Variants in COMMD10 observed in about 807,000 individuals in gnomAD.
COMMD10 encodes the protein COMM domain-containing protein 10.
Under a neutral mutation model 28.9 loss-of-function variants are expected in COMMD10, and 33 were observed. The ratio of observed to expected loss-of-function variants is 1.14; its 90% CI spans 0.87 to 1.53. COMMD10 has a LOEUF of 1.53. Ranked by LOEUF, COMMD10 falls within the 40% of genes most tolerant of loss-of-function variation. The probability of loss-of-function intolerance (pLI) is 0.00; values close to 1 mark genes in which losing one functional copy is unlikely to be tolerated. For synonymous variants in COMMD10, 110 were observed against 81.7 expected (o/e 1.35, Z -1.87); for missense variants, 310 against 233.4 (o/e 1.33, Z -2.14).
intron 5 of COMMD10, among the ~76,000 whole-genome samples, chr5:116,149,929 C>T (rs946529340): frequency 6.6e-6 from 1 of 151,878 alleles, no homozygotes; most frequent in Non-Finnish European, 1.5e-5. Context: ...GAAGTCGTTG[C>T]CCATGCCTAT....
At chr5:116,104,087 C>T (rs1056526659) in intron 4 of COMMD10, among the ~76,000 whole-genome samples, 2 of 152,162 alleles carry the variant, frequency 1.3e-5, no homozygotes, top group African/African-American at 4.8e-5. Flanking sequence ...AGCATGATGC[C>T]TCCAGCTTTG....
chr5:116,244,462 G>A (rs1054024559), intron 5 of COMMD10, among the ~76,000 whole-genome samples: 3 of 152,054 alleles, frequency 2.0e-5, no homozygotes, highest in African/African-American at 7.2e-5. Context: ...CCAGTCTAGT[G>A]AATAGACAAA....
intron 4 of COMMD10, among the ~76,000 whole-genome samples, chr5:116,121,568 C>T (rs899288457): frequency 6.6e-6 from 1 of 152,198 alleles, no homozygotes; most frequent in African/African-American, 2.4e-5. Context: ...CTGTCTTCCA[C>T]GATGGTTGAA....
chr5:116,291,512 T>C lies in COMMD10; in HGVS notation c.511-5T>C. ...CATTCTTTTTGTTGTTTTTCTTCCTTACAGAGCCTGGAGAAAGTTCTTGTG... is the reference window on the plus strand; with the variant it reads ...CATTCTTTTTGTTGTTTTTCTTCCTCACAGAGCCTGGAGAAAGTTCTTGTG... On this transcript the variant is annotated splice_polypyrimidine_tract_variant and splice_region_variant and intron_variant, in intron 5 of 6. Coordinates refer to ENST00000274458, the MANE Select transcript of COMMD10 (RefSeq NM_016144.4). 6.3e-7 allele frequency: 1 copy of C among 1,595,970 alleles called. No individual in the cohort carries two copies. The highest frequency in any genetic ancestry group is 8.6e-7 in the Non-Finnish European group (1 of 1,167,884).
intron 5 of COMMD10, among the ~76,000 whole-genome samples, chr5:116,290,303 C>T (rs1220183602): frequency 6.6e-6 from 1 of 151,882 alleles, no homozygotes; most frequent in Admixed American, 6.6e-5. Context: ...ATAAAAACTT[C>T]ATGATTTTAT....
At chr5:116,149,433 A>C (rs1256352212) in intron 5 of COMMD10, among the ~76,000 whole-genome samples, 1 of 148,464 alleles carries the variant, frequency 6.7e-6, no homozygotes, top group Admixed American at 6.7e-5. Flanking sequence ...ATCGCCACAC[A>C]GACTTCCACA....
rs182419810 is a variant in COMMD10, at chr5:116,140,612, C to T, written c.510+6434C>T. Among the ~76,000 whole-genome samples the T allele has an allele frequency of 2.0e-5, 3 of 151,862 alleles. No homozygotes were observed. In the East Asian group the frequency reaches 5.8e-4, roughly 29 times the overall value. On this transcript the variant is annotated intron_variant, in intron 5 of 6. Coordinates refer to ENST00000274458, the MANE Select transcript of COMMD10 (RefSeq NM_016144.4). Reference sequence around the variant, plus strand: ...TGTCTCTTGTCTTTTTGATAATAGTCATTCTAACAGTTGTGAGATAATATT... The same window carrying T: ...TGTCTCTTGTCTTTTTGATAATAGTTATTCTAACAGTTGTGAGATAATATT...
intron 5 of COMMD10, among the ~76,000 whole-genome samples, chr5:116,185,217 A>C (rs1748098411): frequency 6.9e-6 from 1 of 144,216 alleles, no homozygotes; most frequent in African/African-American, 2.8e-5. Context: ...TGTCTTAAGA[A>C]AGCATAGAAT....
At chr5:116,197,592 C>A (rs562334130) in intron 5 of COMMD10, among the ~76,000 whole-genome samples, 23 of 152,002 alleles carry the variant, frequency 1.5e-4, no homozygotes, top group Non-Finnish European at 3.2e-4. Context: ...ACTATGTTGC[C>A]CAGGCTGGTC....
chr5:116,282,266 C>G (rs975722417), intron 5 of COMMD10, among the ~76,000 whole-genome samples: 2 of 151,848 alleles, frequency 1.3e-5, no homozygotes, highest in African/African-American at 4.9e-5. Context: ...TACCTCTAAA[C>G]ATTACCTCAG....
chr5:116,191,155 C>T (rs531387484), intron 5 of COMMD10, among the ~76,000 whole-genome samples: 390 of 152,188 alleles, frequency 2.6e-3, no homozygotes, highest in Non-Finnish European at 4.4e-3. Context: ...CTCGCTGGAT[C>T]CCCTAGCAGG....
At chr5:116,213,709 AT>A (rs1433653930) in intron 5 of COMMD10, among the ~76,000 whole-genome samples, 3 of 151,864 alleles carry the variant, frequency 2.0e-5, no homozygotes, top group African/African-American at 7.3e-5. Flanking sequence ...GATACCATAT[AT>A]TTTTTTATTA....
At chr5:116,174,689 C>T (rs1229811377) in intron 5 of COMMD10, among the ~76,000 whole-genome samples, 1 of 151,958 alleles carries the variant, frequency 6.6e-6, no homozygotes, top group Non-Finnish European at 1.5e-5. Context: ...TAAAGATAAC[C>T]CCAAAATTTA....
At chr5:116,149,869 C>T (rs966271056) in intron 5 of COMMD10, among the ~76,000 whole-genome samples, 1 of 150,662 alleles carries the variant, frequency 6.6e-6, no homozygotes, top group African/African-American at 2.4e-5. Flanking sequence ...AATTAGATCC[C>T]ATTTGTCAAT....
At chr5:116,251,294 AT>A in intron 5 of COMMD10, among the ~76,000 whole-genome samples, 1 of 131,412 alleles carries the variant, frequency 7.6e-6, no homozygotes, top group Non-Finnish European at 1.7e-5. Context: ...TTATTTATTT[AT>A]TTATTTATTA....
chr5:116,292,526 C>G lies in COMMD10; in HGVS notation c.*37C>G, dbSNP rs1751394993. The G allele has an allele frequency of 6.5e-7, 1 of 1,548,532 alleles. No individual in the cohort carries two copies. ...ACTGTTTTTTTCATCACGCTCCTGC[C>G]ACCTCATTATTTTGCATTGAAGATA... On this transcript the variant is annotated 3_prime_UTR_variant, in exon 7 of 7. Coordinates refer to ENST00000274458, the MANE Select transcript of COMMD10 (RefSeq NM_016144.4).
At chr5:116,112,305 A>G (rs1751070907) in intron 4 of COMMD10, among the ~76,000 whole-genome samples, 1 of 152,216 alleles carries the variant, frequency 6.6e-6, no homozygotes. Flanking sequence ...TCGTTGGCCC[A>G]TAATATCAAT....
In COMMD10 at chr5:116,195,168, T is replaced by G. The variant is rs148398553; in HGVS notation, c.510+60990T>G. On this transcript the variant is annotated intron_variant, in intron 5 of 6. Coordinates refer to ENST00000274458, the MANE Select transcript of COMMD10 (RefSeq NM_016144.4). ...TCGGCATACAAGGGACGTACCATAATGTAATAAAAGCCATCAATGACAAAC... is the reference window on the plus strand; with the variant it reads ...TCGGCATACAAGGGACGTACCATAAGGTAATAAAAGCCATCAATGACAAAC... Among the ~76,000 whole-genome samples, 416 of 152,150 alleles carry G rather than the reference T, an allele frequency of 2.7e-3. 4 individuals carry two copies. Among genetic ancestry groups the G allele is most frequent in the African/African-American group, 9.8e-3 (407 of 41,544 alleles).
chr5:116,102,295 C>G (rs948806678), intron 4 of COMMD10, among the ~76,000 whole-genome samples: 1 of 152,146 alleles, frequency 6.6e-6, no homozygotes, highest in African/African-American at 2.4e-5. Context: ...TTTCTCAGCA[C>G]CATTTATTGA....
Sources: gnomAD v4.1 joint callset for allele counts (sites outside exome capture counted in the v4.1 genomes callset) on GRCh38, gnomAD v4.1.1 for gene constraint, MANE v1.5 for transcripts, NCBI Gene and HGNC (gene_info 2026-07-23, HGNC 2026-07-21) for gene names.